The following CPSF4L variants were observed in gnomAD, a reference collection of about 807,000 sequenced individuals.
CPSF4L encodes cleavage and polyadenylation specific factor 4 like.
In CPSF4L, 18 loss-of-function variants were observed where a neutral mutation model predicts 24.0. The observed-to-expected ratio is 0.75, with a 90% CI of 0.52 to 1.11. The LOEUF (loss-of-function observed/expected upper bound fraction) is 1.11. CPSF4L is among the 50% of genes least tolerant of loss of function. The pLI, the probability that CPSF4L is intolerant of heterozygous loss-of-function variation, is 0.00. For missense variants in CPSF4L, 211 were observed against 221.8 expected, an observed-to-expected ratio of 0.95 and a Z score of 0.31; for synonymous variants, 72 against 77.2, an observed-to-expected ratio of 0.93 and a Z score of 0.35.
chr17:73,257,769 C>CCGGAG lies in CPSF4L; in HGVS notation c.214_218dup (p.Gly74SerfsTer44). On this transcript the variant is annotated frameshift_variant, in exon 3 of 6. Coordinates refer to ENST00000344935, the MANE Select transcript of CPSF4L (RefSeq NM_001129885.1). LOFTEE classifies it high-confidence loss of function. Reference sequence around the variant, plus strand: ...AGTGATCACCCTTCTTGCAGAGCCCCCGGAGCCAGTGCTTGCATACCACCA... The same window carrying CCGGAG: ...AGTGATCACCCTTCTTGCAGAGCCCCCGGAGCGGAGCCAGTGCTTGCATACCACCA... 6.4e-7 allele frequency: 1 copy of CCGGAG among 1,551,630 alleles called. No homozygotes were observed. Among genetic ancestry groups the CCGGAG allele is most frequent in the Non-Finnish European group, 8.7e-7 (1 of 1,146,974 alleles).
In CPSF4L at chr17:73,251,027, C is replaced by G. The variant is rs953092824; in HGVS notation, c.497+1603G>C. ...TGATCCCCAGGCAGGAGAGCAGGCA[C>G]TCTGTTGGGGATGGGGGTTTCCAAG... On this transcript the variant is annotated intron_variant, in intron 5 of 5. Transcript: ENST00000344935. The G allele has an allele frequency of 5.8e-6, 9 of 1,549,724 alleles. No individual in the cohort carries two copies. The African/African-American group carries it at 1.1e-4, about 19-fold the overall frequency.
chr17:73,256,716 A>G (rs1465821590), intron 3 of CPSF4L, among the ~76,000 whole-genome samples: 1 of 152,160 alleles, frequency 6.6e-6, no homozygotes, highest in Non-Finnish European at 1.5e-5. Flanking sequence ...CTGCCCCATA[A>G]ACAGTCCCTT....
At chr17:73,247,144 C>T, downstream of CPSF4L, 1 of 1,039,716 alleles carries the variant, frequency 9.6e-7, no homozygotes, top group Non-Finnish European at 1.5e-6. Flanking sequence ...TAGGTGGCAT[C>T]CATGGCTGTT....
chr17:73,242,273 A>G, the CPSF4L span: 7 of 1,603,554 alleles, frequency 4.4e-6, no homozygotes, highest in South Asian at 1.1e-5. Flanking sequence ...CTCAACTCAT[A>G]TAAGGAGTTT....
At chr17:73,248,565 G>A (rs2061984462) in intron 5 of CPSF4L, 29 bp from the exon 6 acceptor site, 1 of 1,550,650 alleles carries the variant, frequency 6.4e-7, no homozygotes, top group Non-Finnish European at 8.7e-7. Flanking sequence ...TGCAGCGTGA[G>A]AATCCATACA....
Position 73,257,713 on chromosome 17 carries a change from C to T in CPSF4L, c.275G>A (p.Arg92Lys). 1.3e-6 allele frequency: 2 copies of T among 1,551,782 alleles called. No individual in the cohort carries two copies. The highest frequency in any genetic ancestry group is 4.9e-5 in the East Asian group (2 of 40,906). The change falls in exon 3 of 6, where the codon AGG becomes AAG. Residue 92 changes from arginine to lysine, a missense_variant. Transcript: ENST00000344935. ...GGAGTAGAAGTAGCACTCAGGCATC[C>T]TGGTGAGGTCATACTGGTGCAGGAA... ...CKFLHQYDLT[R>K]MPECYFYSKF...
chr17:73,242,207 G>C, the CPSF4L span: 1 of 1,415,178 alleles, frequency 7.1e-7, no homozygotes, highest in Non-Finnish European at 9.8e-7. Flanking sequence ...GGTACGTTTC[G>C]GTAAACAATG....
At chr17:73,245,347 T>C, downstream of CPSF4L, 1 of 1,382,086 alleles carries the variant, frequency 7.2e-7, no homozygotes, top group Non-Finnish European at 9.4e-7. Context: ...TCTAAAATAA[T>C]GATACAGGAA....
intron 3 of CPSF4L, among the ~76,000 whole-genome samples, chr17:73,257,139 A>T (rs2062027211): frequency 6.6e-6 from 1 of 152,246 alleles, no homozygotes; most frequent in Non-Finnish European, 1.5e-5. Flanking sequence ...TAGACCTCTG[A>T]ACCTCATGGA....
rs374832027 is a variant in CPSF4L at position 73,248,606 on chromosome 17, C to T, written c.498-70G>A. The T allele has an allele frequency of 2.7e-4, 399 of 1,470,228 alleles. 3 individuals carry two copies. The African/African-American group carries it at 4.6e-3, about 17-fold the overall frequency. 91.1% of individuals were successfully genotyped at this position (1,470,228 alleles called of 1,614,324 possible). On this transcript the variant is annotated intron_variant, in intron 5 of 5. Transcript: ENST00000344935. ...TCCATATTCACCTTCCCATCCATCC[C>T]GCAGAAGAGGCATGGTGACACCCAG...
At chr17:73,257,443 T>C (rs1033450059) in intron 3 of CPSF4L, among the ~76,000 whole-genome samples, 1 of 150,996 alleles carries the variant, frequency 6.6e-6, no homozygotes, top group Non-Finnish European at 1.5e-5. Context: ...CTTCTTCCCT[T>C]TTGGGGGTAT....
chr17:73,257,299 G>C (rs1438696217), intron 3 of CPSF4L, among the ~76,000 whole-genome samples: 1 of 152,156 alleles, frequency 6.6e-6, no homozygotes, highest in Non-Finnish European at 1.5e-5. Flanking sequence ...GGTACAGCAG[G>C]CATCGTGAAT....
At chr17:73,252,166 C>T (rs887456081) in intron 5 of CPSF4L, among the ~76,000 whole-genome samples, 5 of 152,130 alleles carry the variant, frequency 3.3e-5, no homozygotes, top group Non-Finnish European at 5.9e-5. Flanking sequence ...TCATGTAACT[C>T]GGGTTGAGTA....
At chr17:73,256,663 A>G (rs559240836) in intron 3 of CPSF4L, among the ~76,000 whole-genome samples, 1 of 152,226 alleles carries the variant, frequency 6.6e-6, no homozygotes, top group East Asian at 1.9e-4. Context: ...CCTGAAGCAC[A>G]TTTACAAATT....
At chr17:73,248,432 G>A, downstream of CPSF4L, 2 of 1,420,564 alleles carry the variant, frequency 1.4e-6, no homozygotes, top group Middle Eastern at 3.5e-4. Flanking sequence ...GAAGGAGGGG[G>A]TAAAAGTCGT....
the CPSF4L span, chr17:73,242,920 T>A: frequency 4.3e-6 from 7 of 1,613,810 alleles, no homozygotes; most frequent in African/African-American, 1.3e-5. Flanking sequence ...AACACCACCA[T>A]AAGGAAGAGT....
intron 4 of CPSF4L, among the ~76,000 whole-genome samples, chr17:73,253,052 G>A (rs2062011709): frequency 6.6e-6 from 1 of 152,146 alleles, no homozygotes; most frequent in Non-Finnish European, 1.5e-5. Flanking sequence ...TTAAGTATGG[G>A]AGGTACAGCT....
At chr17:73,242,130 C>T in the CPSF4L span, 27 of 586,484 alleles carry the variant, frequency 4.6e-5, no homozygotes, top group African/African-American at 4.6e-4. Context: ...CTTTAATGCA[C>T]CTGTTTAGAA....
At chr17:73,249,118 C>G (rs1659841038) in intron 5 of CPSF4L, among the ~76,000 whole-genome samples, 2 of 152,128 alleles carry the variant, frequency 1.3e-5, no homozygotes, top group African/African-American at 4.8e-5. Context: ...GATTAGAAGT[C>G]TTACATGTGT....
Sources: allele counts gnomAD v4.1 joint callset (sites outside exome capture counted in the v4.1 genomes callset), GRCh38; gene constraint gnomAD v4.1.1; transcripts MANE v1.5; gene names NCBI Gene and HGNC (gene_info 2026-07-23, HGNC 2026-07-21).